The following ADAMTS7 variants were observed in gnomAD, a reference collection of about 807,000 sequenced individuals.
The protein encoded by ADAMTS7 is A disintegrin and metalloproteinase with thrombospondin motifs 7.
Under a neutral mutation model 172.6 loss-of-function variants are expected in ADAMTS7, and 89 were observed. The ratio of observed to expected loss-of-function variants is 0.52; its 90% confidence interval spans 0.43 to 0.61. The LOEUF is 0.61. Among genes scored for constraint, ADAMTS7 ranks in the 20% least tolerant of loss-of-function variants. The pLI is 0.00. For synonymous variants in ADAMTS7, 885 were observed against 978.4 expected, an observed-to-expected ratio of 0.90 and a Z score of 1.78; for missense variants, 1,973 against 2,355.6, an observed-to-expected ratio of 0.84 and a Z score of 3.36.
rs146037593 is a variant in ADAMTS7, at chr15:78,777,696, A to G, written c.1323-108T>C. On this transcript the variant is annotated intron_variant, in intron 8 of 23. Coordinates refer to ENST00000388820, the MANE Select transcript of ADAMTS7 (RefSeq NM_014272.5). ...GAGGTGGGAGGGGGCACAGAGCCCT[A>G]CAACTGTAGGAAACTCCAGCCTCCC... 8,853 of 1,385,770 alleles carry G rather than the reference A, an allele frequency of 6.4e-3. 85 individuals carry two copies. Among genetic ancestry groups the G allele is most frequent in the South Asian group, 0.032 (2,310 of 72,650 alleles). The allele number at this position is 1,385,770 out of a possible 1,614,324, so 85.8% of individuals were successfully genotyped here. A position where few individuals can be genotyped will look rare whatever the true frequency, so the allele number is the denominator to read the frequency against.
chr15:78,791,952 TA>T (rs1377206675), intron 4 of ADAMTS7, among the ~76,000 whole-genome samples: 1 of 77,356 alleles, frequency 1.3e-5, no homozygotes, highest in Non-Finnish European at 4.2e-5. Context: ...TCTGCTCTTT[TA>T]AAACTCCCTC....
intron 16 of ADAMTS7, among the ~76,000 whole-genome samples, chr15:78,769,454 G>A (rs575454726): frequency 9.2e-5 from 14 of 152,302 alleles, no homozygotes; most frequent in Admixed American, 2.6e-4. Flanking sequence ...CCCCACTGCC[G>A]CTCCCTTGCA....
At chr15:78,769,515 C>T (rs1221570243) in intron 16 of ADAMTS7, among the ~76,000 whole-genome samples, 5 of 152,232 alleles carry the variant, frequency 3.3e-5, no homozygotes, top group African/African-American at 1.2e-4. Flanking sequence ...AGGCACAAGT[C>T]CCTCGCTGGG....
At chr15:78,803,824 A>G (rs1441138921) in intron 1 of ADAMTS7, among the ~76,000 whole-genome samples, 1 of 152,260 alleles carries the variant, frequency 6.6e-6, no homozygotes, top group Non-Finnish European at 1.5e-5. Flanking sequence ...GTAATGAGAT[A>G]GAAAAATATT....
chr15:78,810,944 C>T, intron 1 of ADAMTS7, 177 bp downstream of exon 1: 2 of 676,198 alleles, frequency 3.0e-6, no homozygotes, highest in Non-Finnish European at 4.1e-6. Context: ...GGCTTCGCTC[C>T]CGGCCCGGCC....
At chr15:78,779,733 G>A (rs1204579623) in intron 8 of ADAMTS7, among the ~76,000 whole-genome samples, 1 of 152,132 alleles carries the variant, frequency 6.6e-6, no homozygotes, top group Non-Finnish European at 1.5e-5. Flanking sequence ...CCCAGCCAGG[G>A]GGTCCTCTGA....
chr15:78,796,300 C>A (rs915237098), intron 4 of ADAMTS7, among the ~76,000 whole-genome samples: 1 of 152,138 alleles, frequency 6.6e-6, no homozygotes, highest in African/African-American at 2.4e-5. Context: ...GCCCCCCAGG[C>A]AAGCACAGGG....
At chr15:78,773,287 G>A (rs2055284280) in intron 13 of ADAMTS7, 84 bp from the exon 14 acceptor site, 1 of 1,316,966 alleles carries the variant, frequency 7.6e-7, no homozygotes, top group Non-Finnish European at 1.1e-6. Flanking sequence ...AGAGTCAGGA[G>A]AAGAAAGCTG....
At chr15:78,783,447 T>C (rs2055460264) in intron 8 of ADAMTS7, among the ~76,000 whole-genome samples, 1 of 69,556 alleles carries the variant, frequency 1.4e-5, no homozygotes, top group Non-Finnish European at 4.7e-5. Context: ...TTTTTTGTAT[T>C]TTTTTTTTTT....
chr15:78,771,026 C>T lies in ADAMTS7; in HGVS notation c.2518+136G>A. ...CAGGGCAATCGCTAGCCTCATCTCA[C>T]AGATGGAGAACTGAGGCTCAGAGAA... On this transcript the variant is annotated intron_variant, in intron 16 of 23. Coordinates refer to ENST00000388820, the MANE Select transcript of ADAMTS7 (RefSeq NM_014272.5). This position sits in a 1 kb window ranked among gnomAD's most constrained non-coding sequence, Gnocchi z 4.9. 1 of 1,244,906 alleles carries T rather than the reference C, an allele frequency of 8.0e-7. No individual in the cohort carries two copies. Among genetic ancestry groups the T allele is most frequent in the Non-Finnish European group, 1.1e-6 (1 of 907,492 alleles). The allele number at this position is 1,244,906 out of a possible 1,614,324, so 77.1% of individuals were successfully genotyped here.
chr15:78,785,922 T>A (rs1316966531), intron 8 of ADAMTS7, among the ~76,000 whole-genome samples: 1 of 141,522 alleles, frequency 7.1e-6, no homozygotes, highest in Non-Finnish European at 1.5e-5. Flanking sequence ...GCTGTTGCCA[T>A]CTTCTATTAT....
At chr15:78,794,852 G>A (rs1026922848) in intron 4 of ADAMTS7, among the ~76,000 whole-genome samples, 1 of 152,186 alleles carries the variant, frequency 6.6e-6, no homozygotes, top group Non-Finnish European at 1.5e-5. Context: ...CAAGTGGCTA[G>A]GACTACAGGT....
rs1261048163 is a variant in ADAMTS7, at chr15:78,765,725, G to C, written c.4186C>G (p.Pro1396Ala). 1 of 1,610,770 alleles carries C rather than the reference G, an allele frequency of 6.2e-7. No homozygotes were observed. The highest frequency in any genetic ancestry group is 8.5e-7 in the Non-Finnish European group (1 of 1,179,810). The change falls in exon 19 of 24, where the codon CCC becomes GCC. Residue 1396 changes from proline to alanine, a missense_variant. Pro to Ala is a conservative substitution (Grantham distance 27, BLOSUM62 -1). Around this residue, in one of 8 missense-constraint regions of ADAMTS7, gnomAD observed 771 missense variants for 952.6 expected, o/e 0.81. Transcript: ENST00000388820. ...GGGGGCCCCGCTTCAGCCAGGCTGGGAGCCAGCGGCTGGGTCTCAGGGACT... is the reference window on the plus strand; with the variant it reads ...GGGGGCCCCGCTTCAGCCAGGCTGGCAGCCAGCGGCTGGGTCTCAGGGACT... ...HRVPETQPLA[P>A]SLAEAGPPAD... is the part of the protein sequence containing the mutation.
chr15:78,801,921 G>A (rs1467254092), intron 1 of ADAMTS7, among the ~76,000 whole-genome samples: 1 of 151,728 alleles, frequency 6.6e-6, no homozygotes, highest in Non-Finnish European at 1.5e-5. Context: ...ACAAACTCCT[G>A]GGCTCAAGTG....
intron 8 of ADAMTS7, among the ~76,000 whole-genome samples, chr15:78,781,705 G>A (rs978925163): frequency 2.6e-5 from 4 of 152,106 alleles, no homozygotes; most frequent in African/African-American, 9.7e-5. Flanking sequence ...GGGTGCTGTG[G>A]GGGCAGCTAC....
intron 1 of ADAMTS7, among the ~76,000 whole-genome samples, chr15:78,809,210 G>T (rs2055834485): frequency 6.6e-6 from 1 of 152,166 alleles, no homozygotes; most frequent in Admixed American, 6.5e-5. Flanking sequence ...TCACAAGTGG[G>T]GAAAAGGGAT....
chr15:78,768,718 T>A (rs993128887), intron 16 of ADAMTS7, among the ~76,000 whole-genome samples: 2 of 152,184 alleles, frequency 1.3e-5, no homozygotes, highest in African/African-American at 4.8e-5. Flanking sequence ...CAGCTGCTGT[T>A]AGCATGCAAA....
Position 78,771,016 on chromosome 15 carries a change from C to T in ADAMTS7, c.2518+146G>A. 8.6e-7 allele frequency: 1 copy of T among 1,158,302 alleles called. No homozygotes were observed. The highest frequency in any genetic ancestry group is 1.2e-6 in the Non-Finnish European group (1 of 830,350). The allele number at this position is 1,158,302 out of a possible 1,614,324, so 71.8% of individuals were successfully genotyped here. ...GCCTGGGACACAGGGCAATCGCTAG[C>T]CTCATCTCACAGATGGAGAACTGAG... is the stretch of plus-strand genomic sequence containing the variant. On this transcript the variant is annotated intron_variant, in intron 16 of 23. Transcript: ENST00000388820. This position sits in a 1 kb window ranked among gnomAD's most constrained non-coding sequence, Gnocchi z 4.9.
chr15:78,803,463 T>C (rs1351715936), intron 1 of ADAMTS7, among the ~76,000 whole-genome samples: 1 of 151,816 alleles, frequency 6.6e-6, no homozygotes, highest in Non-Finnish European at 1.5e-5. Flanking sequence ...GTCTTTTTTT[T>C]TTTTTTTGAG....
Sources: allele counts gnomAD v4.1 joint callset (sites outside exome capture counted in the v4.1 genomes callset), GRCh38; gene constraint gnomAD v4.1.1; regional missense constraint gnomAD v4.1.1; non-coding constraint Gnocchi (gnomAD v3.1); transcripts MANE v1.5; gene names NCBI Gene and HGNC (gene_info 2026-07-23, HGNC 2026-07-21).